Variants in NXPH1 observed in about 807,000 individuals in gnomAD.
NXPH1 encodes neurexophilin-1.
A neutral mutation model predicts 23.7 loss-of-function variants in NXPH1; 5 were observed. The ratio of observed to expected loss-of-function variants is 0.21; its 90% CI spans 0.11 to 0.44. The LOEUF is 0.44. Ranked by LOEUF, NXPH1 falls within the 20% of genes least tolerant of loss-of-function variation. The pLI, the probability that NXPH1 is intolerant of heterozygous loss-of-function variation, is 0.99. For synonymous variants in NXPH1, 144 were observed against 122.2 expected, an observed-to-expected ratio of 1.18 and a Z score of -1.18; for missense variants, 324 against 321.6, an observed-to-expected ratio of 1.01 and a Z score of -0.06.
At chr7:8,522,287 A>G (rs1817785556) in intron 2 of NXPH1, among the ~76,000 whole-genome samples, 1 of 152,102 alleles carries the variant, frequency 6.6e-6, no homozygotes, top group Admixed American at 6.5e-5. Context: ...CCTTGGTCCC[A>G]TTTTCTGCTG....
rs868721304 is a variant in NXPH1 at position 8,470,389 on chromosome 7, A to T, written c.54+34622A>T. 3.3e-5 allele frequency among the ~76,000 whole-genome samples: 5 copies of T among 152,284 alleles called. No homozygotes were observed. The South Asian group carries it at 1.0e-3, about 32-fold the overall frequency. On this transcript the variant is annotated intron_variant, in intron 2 of 2. Coordinates refer to ENST00000405863, the MANE Select transcript of NXPH1 (RefSeq NM_152745.3). ...AGACTAACATTCTTGAAGACGCCTG[A>T]ATTTTTTGAAATAATTTTCCTACAA...
At chr7:8,561,570 G>T (rs1390085774) in intron 2 of NXPH1, among the ~76,000 whole-genome samples, 1 of 151,682 alleles carries the variant, frequency 6.6e-6, no homozygotes, top group East Asian at 2.0e-4. Context: ...TATAAAATGG[G>T]TCGAGTCACA....
At chr7:8,588,046 A>G (rs1053567149) in intron 2 of NXPH1, among the ~76,000 whole-genome samples, 3 of 152,212 alleles carry the variant, frequency 2.0e-5, no homozygotes, top group African/African-American at 7.2e-5. Flanking sequence ...AATGACAATG[A>G]GATACCATCT....
At chr7:8,731,325 C>G (rs767821802) in intron 2 of NXPH1, among the ~76,000 whole-genome samples, 6 of 152,166 alleles carry the variant, frequency 3.9e-5, no homozygotes, top group African/African-American at 1.2e-4. Flanking sequence ...TCGTCTGAAG[C>G]CTTCTTCTCT....
At chr7:8,480,774 T>C (rs1474619739) in intron 2 of NXPH1, among the ~76,000 whole-genome samples, 1 of 152,192 alleles carries the variant, frequency 6.6e-6, no homozygotes, top group Admixed American at 6.5e-5. Flanking sequence ...CACCAAGATT[T>C]GTACATTGTG....
At chr7:8,721,137 G>A (rs1196326025) in intron 2 of NXPH1, among the ~76,000 whole-genome samples, 1 of 152,114 alleles carries the variant, frequency 6.6e-6, no homozygotes, top group Non-Finnish European at 1.5e-5. Context: ...GGTTACATAA[G>A]ATAATATAAT....
chr7:8,501,715 GAT>G (rs1817438236), intron 2 of NXPH1, among the ~76,000 whole-genome samples: 1 of 152,030 alleles, frequency 6.6e-6, no homozygotes, highest in African/African-American at 2.4e-5. Flanking sequence ...CCAATTATCT[GAT>G]ATGTCATTGG....
intron 2 of NXPH1, among the ~76,000 whole-genome samples, chr7:8,587,659 C>T (rs1819006766): frequency 6.6e-6 from 1 of 152,050 alleles, no homozygotes; most frequent in African/African-American, 2.4e-5. Context: ...CAACAGGCCC[C>T]AGTGTGTGAT....
At chr7:8,513,222 A>G (rs1817638235) in intron 2 of NXPH1, among the ~76,000 whole-genome samples, 1 of 152,148 alleles carries the variant, frequency 6.6e-6, no homozygotes, top group African/African-American at 2.4e-5. Flanking sequence ...ATGAGGATGC[A>G]AAAGGAACAG....
chr7:8,476,282 G>A (rs1816970119), intron 2 of NXPH1, among the ~76,000 whole-genome samples: 1 of 152,086 alleles, frequency 6.6e-6, no homozygotes, highest in South Asian at 2.1e-4. Context: ...ACAGTAGAAT[G>A]CCCTGTTCTT....
intron 2 of NXPH1, among the ~76,000 whole-genome samples, chr7:8,638,568 A>G (rs750230098): frequency 3.3e-5 from 5 of 152,172 alleles, no homozygotes; most frequent in African/African-American, 4.8e-5. Context: ...TTAAGGATTG[A>G]TTGTTGTATT....
intron 2 of NXPH1, among the ~76,000 whole-genome samples, chr7:8,560,618 G>C (rs1818427605): frequency 6.6e-6 from 1 of 151,664 alleles, no homozygotes; most frequent in Non-Finnish European, 1.5e-5. Flanking sequence ...GGAAGGGGGA[G>C]AGTGAGAGGA....
intron 2 of NXPH1, among the ~76,000 whole-genome samples, chr7:8,581,231 A>C (rs1356994013): frequency 6.6e-6 from 1 of 152,158 alleles, no homozygotes; most frequent in Non-Finnish European, 1.5e-5. Flanking sequence ...TGTATCAGGC[A>C]TTGGGGAAAT....
chr7:8,484,426 C>T (rs1462633080), intron 2 of NXPH1, among the ~76,000 whole-genome samples: 2 of 152,020 alleles, frequency 1.3e-5, no homozygotes, highest in Non-Finnish European at 2.9e-5. Context: ...TCAGTGATAG[C>T]AGCTGTCAAA....
At chr7:8,545,720 T>A (rs980491184) in intron 2 of NXPH1, among the ~76,000 whole-genome samples, 3 of 151,540 alleles carry the variant, frequency 2.0e-5, no homozygotes, top group Admixed American at 6.6e-5. Flanking sequence ...AAATTATAAA[T>A]ATCAACTGCT....
chr7:8,653,145 G>T (rs1271472988), intron 2 of NXPH1, among the ~76,000 whole-genome samples: 2 of 151,714 alleles, frequency 1.3e-5, no homozygotes, highest in African/African-American at 2.4e-5. Flanking sequence ...TGATGGTACA[G>T]AAAAATGACT....
intron 2 of NXPH1, among the ~76,000 whole-genome samples, chr7:8,681,308 A>G (rs915148031): frequency 2.0e-5 from 3 of 152,248 alleles, no homozygotes; most frequent in South Asian, 4.1e-4. Context: ...AATACCAAAT[A>G]TAAACTGGAA....
At chr7:8,547,128 A>G (rs756265831) in intron 2 of NXPH1, among the ~76,000 whole-genome samples, 23 of 151,420 alleles carry the variant, frequency 1.5e-4, no homozygotes, top group Non-Finnish European at 2.8e-4. Context: ...ACTAAATGTA[A>G]CGATTCACAA....
intron 2 of NXPH1, among the ~76,000 whole-genome samples, chr7:8,465,958 G>A (rs1249226672): frequency 2.0e-5 from 3 of 152,138 alleles, no homozygotes; most frequent in Non-Finnish European, 2.9e-5. Flanking sequence ...TCAGAGGATA[G>A]GGCAATTTCA....
Sources: gnomAD v4.1 joint callset for allele counts (sites outside exome capture counted in the v4.1 genomes callset) on GRCh38, gnomAD v4.1.1 for gene constraint, MANE v1.5 for transcripts, NCBI Gene and HGNC (gene_info 2026-07-23, HGNC 2026-07-21) for gene names.